Variants in NCR2 observed in about 807,000 individuals in gnomAD.
The protein encoded by NCR2 is NK cell activating receptor (NKp44).
A neutral mutation model predicts 30.7 loss-of-function variants in NCR2; 35 were observed. The ratio of observed to expected loss-of-function variants is 1.14; its 90% CI spans 0.87 to 1.51. NCR2 has a LOEUF of 1.51. Ranked by LOEUF, NCR2 falls within the 40% of genes most tolerant of loss-of-function variation. The pLI is 0.00. For synonymous variants in NCR2, 146 were observed against 134.8 expected (o/e 1.08, Z -0.58); for missense variants, 316 against 328.9 (o/e 0.96, Z 0.30).
intron 4 of NCR2, among the ~76,000 whole-genome samples, chr6:41,346,961 A>G (rs1769315734): frequency 1.3e-5 from 2 of 152,306 alleles, no homozygotes; most frequent in South Asian, 4.1e-4. Context: ...CACACCTACC[A>G]ATCATCTGCC....
intron 4 of NCR2, among the ~76,000 whole-genome samples, chr6:41,350,179 A>C (rs1769394903): frequency 6.6e-6 from 1 of 152,204 alleles, no homozygotes; most frequent in South Asian, 2.1e-4. Flanking sequence ...TAAAAACAGA[A>C]CTGATAACAC....
chr6:41,345,635 T>C (rs11757145), intron 4 of NCR2, among the ~76,000 whole-genome samples: 18,215 of 151,972 alleles, frequency 0.12, 1,221 homozygotes, highest in Middle Eastern at 0.24. Flanking sequence ...CAGTACAGCC[T>C]CTTGGTGCCT....
chr6:41,344,795 G>A (rs549004293), intron 4 of NCR2, among the ~76,000 whole-genome samples: 8 of 152,190 alleles, frequency 5.3e-5, no homozygotes, highest in Middle Eastern at 3.4e-3. Flanking sequence ...AACCTTTGCC[G>A]CTTCTCGGCC....
At chr6:41,343,850 C>A (rs1355090296) in intron 4 of NCR2, among the ~76,000 whole-genome samples, 1 of 152,138 alleles carries the variant, frequency 6.6e-6, no homozygotes, top group East Asian at 1.9e-4. Flanking sequence ...ACCAGTGACC[C>A]CATTTTGGTT....
chr6:41,341,896 C>G lies in NCR2; in HGVS notation c.497C>G (p.Pro166Arg). Reference protein sequence around the residue: ...VPPTAGARQAPESPSTIPVPS... With the variant: ...VPPTAGARQARESPSTIPVPS... ...CCCACTGCAGGAGCCAGACAAGCCC[C>G]TGAGTCTCCATCTACCATCCCTGTC... Residue 166 changes from proline to arginine, a missense_variant, in exon 3 of 5, where the codon CCT (proline) becomes CGT (arginine). Physicochemically the swap from Pro to Arg is moderately radical, Grantham distance 103 (BLOSUM62 -2). Transcript: ENST00000373089. 2 of 1,614,110 alleles carry G rather than the reference C, an allele frequency of 1.2e-6. No homozygotes were observed. Among genetic ancestry groups the G allele is most frequent in the Non-Finnish European group, 1.7e-6 (2 of 1,180,002 alleles).
intron 4 of NCR2, among the ~76,000 whole-genome samples, chr6:41,343,789 G>C (rs908559233): frequency 7.5e-6 from 1 of 133,612 alleles, no homozygotes; most frequent in Non-Finnish European, 1.7e-5. Context: ...CTAATTTCTC[G>C]GAAGGTGAGA....
rs765378575 is a variant in NCR2 at position 41,342,064 on chromosome 6, C to T, written c.559C>T (p.Pro187Ser). ...ACAGAACTCCACGCTCCGCCCTGGC[C>T]CTGCAGCCCCCATTGCCCTGGTGCC... ...QPQNSTLRPG[P>S]AAPIALVPVF... The change falls in exon 4 of 5, where the codon CCT becomes TCT. Residue 187 changes from proline (P) to serine (S), a missense_variant. Pro to Ser is a moderately conservative substitution (Grantham distance 74). Coordinates refer to ENST00000373089, the MANE Select transcript of NCR2 (RefSeq NM_004828.4). 10 of 1,613,962 alleles carry T rather than the reference C, an allele frequency of 6.2e-6. No homozygotes were observed. In the Admixed American group the frequency reaches 1.2e-4, roughly 19 times the overall value.
rs150884054 is a variant in NCR2, at chr6:41,339,169, C to T, written c.395-2625C>T. Among the ~76,000 whole-genome samples the T allele has an allele frequency of 5.5e-3, 842 of 152,074 alleles. 11 individuals are homozygous for T. The highest frequency in any genetic ancestry group is 0.019 in the African/African-American group (770 of 41,472). ...CTCCACCTCCAGGGTTCAAGCGATTCTCCTGCCTCAGCCTCCGGTGTAGCT... is the reference window on the plus strand; with the variant it reads ...CTCCACCTCCAGGGTTCAAGCGATTTTCCTGCCTCAGCCTCCGGTGTAGCT... On this transcript the variant is annotated intron_variant, in intron 2 of 4. Transcript: ENST00000373089.
chr6:41,343,000 T>C, intron 4 of NCR2: 2 of 1,550,526 alleles, frequency 1.3e-6, no homozygotes, highest in Non-Finnish European at 1.7e-6. Flanking sequence ...CCATAGACAC[T>C]TCCCACTGAG....
intron 4 of NCR2, among the ~76,000 whole-genome samples, chr6:41,350,367 G>C (rs1769397690): frequency 6.6e-6 from 1 of 152,130 alleles, no homozygotes; most frequent in African/African-American, 2.4e-5. Flanking sequence ...CAGCTGAAAA[G>C]ACAGATAATA....
intron 4 of NCR2, 93 bp from the exon 5 acceptor site, chr6:41,350,585 G>C: frequency 1.8e-6 from 2 of 1,111,950 alleles, no homozygotes; most frequent in South Asian, 1.5e-5. Context: ...CCAACCCTGC[G>C]AGTAGTGGGA....
intron 2 of NCR2, among the ~76,000 whole-genome samples, chr6:41,337,783 C>T (rs1769071985): frequency 6.6e-6 from 1 of 152,184 alleles, no homozygotes; most frequent in Admixed American, 6.5e-5. Flanking sequence ...TTTCAAAATG[C>T]ATCTTCAATC....
At position 41,335,708 on chromosome 6, in the gene NCR2, C is replaced by T; in HGVS notation, c.-169C>T. On this transcript the variant is annotated 5_prime_UTR_variant, in exon 1 of 5. Transcript: ENST00000373089. ...CTGGAGATCCCCACTTCCCTGTGCC[C>T]ACAGAATCTGCCCTTTGCAGTCTCC... 2.7e-6 allele frequency: 2 copies of T among 742,596 alleles called. No individual in the cohort carries two copies. The highest frequency in any genetic ancestry group is 2.3e-6 in the Non-Finnish European group (1 of 430,064). The allele number at this position is 742,596 out of a possible 1,614,324, so 46.0% of individuals were successfully genotyped here.
chr6:41,348,188 C>T (rs904787643), intron 4 of NCR2, among the ~76,000 whole-genome samples: 5 of 152,152 alleles, frequency 3.3e-5, no homozygotes, highest in Admixed American at 2.6e-4. Flanking sequence ...TATTTACATT[C>T]CTCCCACATG....
At chr6:41,342,184 G>T in intron 4 of NCR2, 35 bp downstream of exon 4, 2 of 1,606,996 alleles carry the variant, frequency 1.2e-6, no homozygotes, top group Non-Finnish European at 8.5e-7. Context: ...GGGGAAAATG[G>T]AACAGGGAAC....
At chr6:41,337,434 C>A (rs566054245) in intron 2 of NCR2, among the ~76,000 whole-genome samples, 1 of 152,292 alleles carries the variant, frequency 6.6e-6, no homozygotes, top group East Asian at 1.9e-4. Context: ...AAGTACAAAG[C>A]TAGAAGGGAA....
At chr6:41,347,272 G>T (rs112267289) in intron 4 of NCR2, among the ~76,000 whole-genome samples, 4,013 of 152,212 alleles carry the variant, frequency 0.026, 165 homozygotes, top group African/African-American at 0.087. Flanking sequence ...TCATCTTCCC[G>T]GGTTGTATGT....
At position 41,336,299 on chromosome 6, in the gene NCR2, G is replaced by T; in HGVS notation, c.265G>T (p.Ala89Ser). Reference protein sequence around the residue: ...SRFTIWDDPDAGFFTVTMTDL... With the variant: ...SRFTIWDDPDSGFFTVTMTDL... Reference sequence around the variant, plus strand: ...ATTCACAATCTGGGACGACCCTGATGCTGGCTTCTTCACTGTCACCATGAC... The same window carrying T: ...ATTCACAATCTGGGACGACCCTGATTCTGGCTTCTTCACTGTCACCATGAC... The change falls in exon 2 of 5, where the codon GCT becomes TCT. Residue 89 changes from alanine (A) to serine (S), a missense_variant. Coordinates refer to ENST00000373089, the MANE Select transcript of NCR2 (RefSeq NM_004828.4). The T allele has an allele frequency of 6.2e-7, 1 of 1,614,166 alleles. No individual in the cohort carries two copies. Among genetic ancestry groups the T allele is most frequent in the Non-Finnish European group, 8.5e-7 (1 of 1,180,036 alleles).
At chr6:41,344,859 G>A (rs562137957) in intron 4 of NCR2, among the ~76,000 whole-genome samples, 38 of 152,342 alleles carry the variant, frequency 2.5e-4, no homozygotes, top group African/African-American at 8.4e-4. Flanking sequence ...GGCTCCAGGC[G>A]GATTGGGCGG....
Sources: gnomAD v4.1 joint callset for allele counts (sites outside exome capture counted in the v4.1 genomes callset) on GRCh38, gnomAD v4.1.1 for gene constraint, MANE v1.5 for transcripts, NCBI Gene and HGNC (gene_info 2026-07-23, HGNC 2026-07-21) for gene names.